SRGAP2B: variants seen among roughly 807,000 people sequenced by gnomAD.
SRGAP2B encodes the protein SLIT-ROBO Rho GTPase-activating protein 2B.
A neutral mutation model predicts 22.2 loss-of-function variants in SRGAP2B; 9 were observed. The ratio of observed to expected loss-of-function variants is 0.41; its 90% CI spans 0.24 to 0.71. SRGAP2B has a LOEUF of 0.71. SRGAP2B is among the 30% of genes least tolerant of loss of function. The pLI, the probability that SRGAP2B is intolerant of heterozygous loss-of-function variation, is 0.35. For synonymous variants in SRGAP2B, 36 were observed against 87.4 expected, an observed-to-expected ratio of 0.41 and a Z score of 3.28; for missense variants, 114 against 235.8, an observed-to-expected ratio of 0.48 and a Z score of 3.38.
chr1:144,928,394 C>T (rs1440407589), intron 4 of SRGAP2B, among the ~76,000 whole-genome samples: 1 of 143,872 alleles, frequency 7.0e-6, no homozygotes, highest in African/African-American at 2.6e-5. Context: ...TGGGTTGCTT[C>T]CACTTTTTGG....
At chr1:145,030,722 A>T (rs1183306203) in intron 2 of SRGAP2B, among the ~76,000 whole-genome samples, 1 of 29,064 alleles carries the variant, frequency 3.4e-5, no homozygotes, top group East Asian at 1.1e-3. Context: ...AAAAAAAAAA[A>T]TATATATATA....
At chr1:144,914,235 C>T (rs1663650715) in intron 5 of SRGAP2B, among the ~76,000 whole-genome samples, 1 of 151,748 alleles carries the variant, frequency 6.6e-6, no homozygotes, top group Non-Finnish European at 1.5e-5. Context: ...GGACTCTGTG[C>T]TGCCCTCTAG....
At chr1:144,910,584 A>G (rs1270059398) in intron 5 of SRGAP2B, among the ~76,000 whole-genome samples, 6 of 146,532 alleles carry the variant, frequency 4.1e-5, no homozygotes, top group South Asian at 4.3e-4. Context: ...ACAGCCCCAA[A>G]GTGTCCCAAA....
At chr1:144,925,194 A>G (rs1326658032) in intron 4 of SRGAP2B, among the ~76,000 whole-genome samples, 1 of 150,290 alleles carries the variant, frequency 6.7e-6, no homozygotes, top group Non-Finnish European at 1.5e-5. Flanking sequence ...GTAAAGACAG[A>G]GAGTTTCACT....
chr1:144,995,772 G>A (rs1670632434), intron 2 of SRGAP2B, among the ~76,000 whole-genome samples: 1 of 150,674 alleles, frequency 6.6e-6, no homozygotes, highest in African/African-American at 2.5e-5. Context: ...ATATTTTAAC[G>A]GAGATAGGAA....
intron 4 of SRGAP2B, among the ~76,000 whole-genome samples, chr1:144,925,711 A>G (rs1460077719): frequency 1.5e-5 from 2 of 132,646 alleles, no homozygotes; most frequent in African/African-American, 2.8e-5. Flanking sequence ...AGAGAGAAAG[A>G]GAGAGAGAGA....
At position 145,035,860 on chromosome 1, in the gene SRGAP2B, T is replaced by A. The variant is rs587730878; in HGVS notation, c.68-40660A>T. On this transcript the variant is annotated intron_variant, in intron 2 of 9. Transcript: ENST00000612199. Reference sequence around the variant, plus strand: ...ATTCAGTTACGCTCTGTATTCATGCTCTTTTACTAAAACCTTCTTGGGGAC... The same window carrying A: ...ATTCAGTTACGCTCTGTATTCATGCACTTTTACTAAAACCTTCTTGGGGAC... Among the ~76,000 whole-genome samples the A allele has an allele frequency of 1.3e-3, 186 of 148,042 alleles. 5 individuals carry two copies. The highest frequency in any genetic ancestry group is 0.011 in the Admixed American group (166 of 15,014).
intron 4 of SRGAP2B, among the ~76,000 whole-genome samples, chr1:144,943,793 C>T (rs1193247557): frequency 1.3e-5 from 2 of 149,264 alleles, no homozygotes; most frequent in Non-Finnish European, 3.0e-5. Context: ...ACATAATAGC[C>T]TCAAACTGAA....
chr1:144,970,779 TA>T (rs1298057321), intron 3 of SRGAP2B, among the ~76,000 whole-genome samples: 4 of 149,854 alleles, frequency 2.7e-5, no homozygotes, highest in South Asian at 4.2e-4. Context: ...GTTTATCTTT[TA>T]AAAAAATAAA....
At chr1:144,909,062 A>AG (rs1663202852) in intron 5 of SRGAP2B, among the ~76,000 whole-genome samples, 1 of 146,018 alleles carries the variant, frequency 6.8e-6, no homozygotes, top group African/African-American at 2.6e-5. Flanking sequence ...CTAAAATAAT[A>AG]GGAAAAAAAA....
intron 6 of SRGAP2B, among the ~76,000 whole-genome samples, chr1:144,905,522 A>G (rs1348056747): frequency 1.3e-5 from 2 of 148,634 alleles, no homozygotes; most frequent in Non-Finnish European, 3.0e-5. Flanking sequence ...GCCCCTGAAC[A>G]CCTGATACCT....
intron 2 of SRGAP2B, among the ~76,000 whole-genome samples, chr1:145,045,296 C>CAAAA (rs71259136): frequency 2.4e-5 from 1 of 41,922 alleles, no homozygotes; most frequent in Non-Finnish European, 4.6e-5. Flanking sequence ...GACTCCGCCT[C>CAAAA]AAAAAAAAAA....
chr1:145,094,055 G>C (rs1237388991), intron 1 of SRGAP2B, among the ~76,000 whole-genome samples: 2 of 136,124 alleles, frequency 1.5e-5, no homozygotes, highest in Non-Finnish European at 3.1e-5. Context: ...AGAGGATAGG[G>C]TCGGAGCCGG....
chr1:144,920,316 A>C (rs1308732424), intron 4 of SRGAP2B, among the ~76,000 whole-genome samples: 1 of 150,348 alleles, frequency 6.7e-6, no homozygotes, highest in Non-Finnish European at 1.5e-5. Flanking sequence ...CCCAGGCTAG[A>C]ATGCAGTGGC....
At chr1:144,928,821 C>A (rs1435873268) in intron 4 of SRGAP2B, among the ~76,000 whole-genome samples, 14 of 142,532 alleles carry the variant, frequency 9.8e-5, no homozygotes, top group African/African-American at 3.5e-4. Context: ...TGGGTATACA[C>A]CTAGATGTGG....
At chr1:144,907,519 T>C (rs1249105824) in intron 5 of SRGAP2B, among the ~76,000 whole-genome samples, 4 of 149,868 alleles carry the variant, frequency 2.7e-5, no homozygotes, top group African/African-American at 1.0e-4. Flanking sequence ...AAGATATTCC[T>C]GAAAAGAGAA....
At chr1:144,988,969 T>C (rs1174258450) in intron 3 of SRGAP2B, among the ~76,000 whole-genome samples, 1 of 143,352 alleles carries the variant, frequency 7.0e-6, no homozygotes, top group South Asian at 2.2e-4. Flanking sequence ...ACCTTCTGAA[T>C]ATATTCCTAC....
chr1:144,924,731 CAAAAA>C (rs1156257790), intron 4 of SRGAP2B, among the ~76,000 whole-genome samples: 13 of 58,198 alleles, frequency 2.2e-4, no homozygotes, highest in Middle Eastern at 0.012. Context: ...AACTCCGTCT[CAAAAA>C]AAAAAAAAAA....
intron 3 of SRGAP2B, among the ~76,000 whole-genome samples, chr1:144,985,284 G>C (rs1669629697): frequency 1.5e-5 from 2 of 137,608 alleles, no homozygotes; most frequent in South Asian, 4.8e-4. Flanking sequence ...AATATGTGTT[G>C]AGGAGAGAAA....
Sources: allele counts gnomAD v4.1 joint callset (sites outside exome capture counted in the v4.1 genomes callset), GRCh38; gene constraint gnomAD v4.1.1; transcripts MANE v1.5; gene names NCBI Gene and HGNC (gene_info 2026-07-23, HGNC 2026-07-21).